The following DOCK5 variants were observed in gnomAD, a reference collection of about 807,000 sequenced individuals.
DOCK5 encodes the protein dedicator of cytokinesis protein 5.
In DOCK5, 142 loss-of-function variants were observed where a neutral mutation model predicts 251.8. The observed-to-expected ratio is 0.56, with a 90% CI of 0.49 to 0.65. DOCK5 has a LOEUF of 0.65. Among genes scored for constraint, DOCK5 ranks in the 30% least tolerant of loss-of-function variants. DOCK5 has a pLI of 0.00. For missense variants in DOCK5, 2,111 were observed against 2,312.3 expected (o/e 0.91, Z 1.79); for synonymous variants, 842 against 835.5 (o/e 1.01, Z -0.13).
chr8:25,329,396 A>G (rs768234534), intron 18 of DOCK5, among the ~76,000 whole-genome samples: 1 of 152,078 alleles, frequency 6.6e-6, no homozygotes, highest in Non-Finnish European at 1.5e-5. Context: ...CTCAAAATCT[A>G]TTCTCTTAGC....
chr8:25,298,829 A>T, intron 7 of DOCK5, 115 bp from the exon 8 acceptor site: 1 of 1,177,568 alleles, frequency 8.5e-7, no homozygotes, highest in Non-Finnish European at 1.2e-6. Flanking sequence ...GGAATGAGCC[A>T]CTGTGCCCAG....
At chr8:25,371,596 A>G (rs1378886449) in intron 34 of DOCK5, among the ~76,000 whole-genome samples, 1 of 152,216 alleles carries the variant, frequency 6.6e-6, no homozygotes, top group Non-Finnish European at 1.5e-5. Context: ...TGTTTCCATT[A>G]AGTCTCTCCA....
At chr8:25,320,900 T>A (rs1805406656) in intron 15 of DOCK5, 80 bp from the exon 16 acceptor site, 1 of 1,252,400 alleles carries the variant, frequency 8.0e-7, no homozygotes, top group Non-Finnish European at 1.1e-6. Context: ...AAGTATAAAA[T>A]TGAGCCTAAT....
chr8:25,368,837 C>G, intron 33 of DOCK5, 112 bp downstream of exon 33: 1 of 1,148,752 alleles, frequency 8.7e-7, no homozygotes, highest in East Asian at 2.8e-5. Flanking sequence ...CCATGTTGAT[C>G]TGAAAGTTCA....
chr8:25,292,050 G>C lies in DOCK5; in HGVS notation c.348G>C (p.Gln116His). ...ACAACAAGCTCACCCTCTTCCGCCA[G>C]CTGCAGCAGATGACGTACAGCCTGA... Reference protein sequence around the residue: ...YVNNKLTLFRQLQQMTYSLIE... With the variant: ...YVNNKLTLFRHLQQMTYSLIE... The change falls in exon 6 of 52, where the codon CAG becomes CAC. Residue 116 changes from glutamine to histidine, a missense_variant. Physicochemically the swap from Gln to His is conservative, Grantham distance 24. Coordinates refer to ENST00000276440, the MANE Select transcript of DOCK5 (RefSeq NM_024940.8). The C allele has an allele frequency of 1.9e-6, 3 of 1,601,428 alleles. No homozygotes were observed. The highest frequency in any genetic ancestry group is 2.6e-6 in the Non-Finnish European group (3 of 1,173,998).
At chr8:25,270,946 A>G (rs1803892218) in intron 3 of DOCK5, 3 of 561,594 alleles carry the variant, frequency 5.3e-6, no homozygotes, top group South Asian at 2.6e-5. Context: ...TGTAAATGCT[A>G]TGTAAGTAGT....
intron 38 of DOCK5, among the ~76,000 whole-genome samples, chr8:25,379,294 C>A (rs1801022165): frequency 1.3e-5 from 2 of 150,840 alleles, no homozygotes; most frequent in Admixed American, 6.6e-5. Context: ...CAGACATTCC[C>A]AGAGTGGCCA....
Position 25,346,010 on chromosome 8 carries a change from C to T in DOCK5, c.2754+399C>T, listed in dbSNP as rs941447645. On this transcript the variant is annotated intron_variant, in intron 26 of 51. Transcript: ENST00000276440. ...GACTACAGGCGCCCGCCACCACGCCCGGCTAATTTTTTTGTATTTTTAGTA... is the reference window on the plus strand; with the variant it reads ...GACTACAGGCGCCCGCCACCACGCCTGGCTAATTTTTTTGTATTTTTAGTA... 1.8e-4 allele frequency among the ~76,000 whole-genome samples: 27 copies of T among 152,164 alleles called. 1 individual carries two copies. The highest frequency in any genetic ancestry group is 3.4e-4 in the Non-Finnish European group (23 of 68,034).
chr8:25,354,196 A>G lies in DOCK5; in HGVS notation c.2850+2370A>G, dbSNP rs9644039. Among the ~76,000 whole-genome samples, 787 of 152,250 alleles carry G rather than the reference A, an allele frequency of 5.2e-3. 13 individuals are homozygous for G. The highest frequency in any genetic ancestry group is 0.046 in the South Asian group (223 of 4,818). On this transcript the variant is annotated intron_variant, in intron 27 of 51. Coordinates refer to ENST00000276440, the MANE Select transcript of DOCK5 (RefSeq NM_024940.8). ...ACTAACAGATGGAGTGCAATTTAGC[A>G]GATCAAGATGGAAAAAAACAGGATT...
chr8:25,243,239 G>A (rs1803001178), intron 1 of DOCK5, among the ~76,000 whole-genome samples: 1 of 152,092 alleles, frequency 6.6e-6, no homozygotes. Flanking sequence ...GGGGAAATGA[G>A]GATCCATTTC....
At chr8:25,291,995 C>A (rs1326287426) in intron 5 of DOCK5, 29 bp from the exon 6 acceptor site, 1 of 1,517,412 alleles carries the variant, frequency 6.6e-7, no homozygotes, top group East Asian at 2.4e-5. Context: ...TTCTAAGAAT[C>A]TTTTCTTCAT....
At chr8:25,387,681 G>C (rs957105766) in intron 40 of DOCK5, among the ~76,000 whole-genome samples, 1 of 152,150 alleles carries the variant, frequency 6.6e-6, no homozygotes, top group Non-Finnish European at 1.5e-5. Context: ...TCATTTTCTG[G>C]CTCATTCTTC....
chr8:25,402,024 T>G (rs867139702), intron 47 of DOCK5, among the ~76,000 whole-genome samples: 107 of 152,342 alleles, frequency 7.0e-4, no homozygotes, highest in Admixed American at 2.5e-3. Flanking sequence ...TGTACTAACC[T>G]TTTCTCTCCA....
chr8:25,333,969 A>C (rs1805741671), intron 20 of DOCK5, 127 bp from the exon 21 acceptor site: 1 of 695,400 alleles, frequency 1.4e-6, no homozygotes, highest in East Asian at 2.5e-5. Context: ...GCTCTGGAAT[A>C]GTAGAGTGGG....
At chr8:25,336,877 G>T (rs758224484) in intron 22 of DOCK5, among the ~76,000 whole-genome samples, 34 of 152,258 alleles carry the variant, frequency 2.2e-4, no homozygotes, top group Non-Finnish European at 4.6e-4. Context: ...AAGTACCTTT[G>T]CAGGGAACAT....
chr8:25,323,400 C>A (rs1478018491), intron 16 of DOCK5, among the ~76,000 whole-genome samples: 2 of 152,306 alleles, frequency 1.3e-5, no homozygotes, highest in African/African-American at 4.8e-5. Context: ...CTTTGGAAAC[C>A]TCATTCCAAC....
chr8:25,323,833 T>A lies in DOCK5; in HGVS notation c.1616-15T>A. 1 of 1,610,540 alleles carries A rather than the reference T, an allele frequency of 6.2e-7. No homozygotes were observed. The highest frequency in any genetic ancestry group is 8.5e-7 in the Non-Finnish European group (1 of 1,178,454). On this transcript the variant is annotated splice_polypyrimidine_tract_variant and intron_variant, in intron 16 of 51. Transcript: ENST00000276440. ...TCTCTCTGCACTGCTCAGACATGTCTTTCTGCCTTTTCAGCCAGAGATAAA... is the reference window on the plus strand; with the variant it reads ...TCTCTCTGCACTGCTCAGACATGTCATTCTGCCTTTTCAGCCAGAGATAAA...
In DOCK5 at chr8:25,366,782, G is replaced by C. The variant is rs541807202; in HGVS notation, c.3124-88G>C. ...GTTCTTTCATTAATCTCTTGTTAAT[G>C]ACTTTTTACCATGTGACATTGTTTT... On this transcript the variant is annotated intron_variant, in intron 30 of 51. Coordinates refer to ENST00000276440, the MANE Select transcript of DOCK5 (RefSeq NM_024940.8). The C allele has an allele frequency of 4.9e-5, 46 of 934,788 alleles. No individual in the cohort carries two copies. The East Asian group carries it at 7.6e-4, about 15-fold the overall frequency. 57.9% of individuals were successfully genotyped at this position (934,788 alleles called of 1,614,324 possible).
rs145984100 is a variant in DOCK5 at position 25,241,434 on chromosome 8, C to G, written c.44-2240C>G. ...TGGAGGTTGCAGTGAGCCAAGATCA[C>G]TCCACTGCACTCCAGCCTGGGCAAC... On this transcript the variant is annotated intron_variant, in intron 1 of 51. Coordinates refer to ENST00000276440, the MANE Select transcript of DOCK5 (RefSeq NM_024940.8). Among the ~76,000 whole-genome samples the G allele has an allele frequency of 9.9e-3, 1,500 of 151,856 alleles. 33 individuals are homozygous for G. Among genetic ancestry groups the G allele is most frequent in the African/African-American group, 0.035 (1,435 of 41,380 alleles).
Sources: gnomAD v4.1 joint callset for allele counts (sites outside exome capture counted in the v4.1 genomes callset) on GRCh38, gnomAD v4.1.1 for gene constraint, MANE v1.5 for transcripts, NCBI Gene and HGNC (gene_info 2026-07-23, HGNC 2026-07-21) for gene names.